PRTG: variants seen among roughly 807,000 people sequenced by gnomAD.
PRTG encodes immunoglobulin superfamily, DCC subclass, member 5.
PRTG carries 67 observed loss-of-function variants against 122.5 expected under a neutral mutation model. That is an observed-to-expected ratio of 0.55 (90% CI 0.45 to 0.67). The LOEUF (loss-of-function observed/expected upper bound fraction) is 0.67. PRTG is among the 30% of genes least tolerant of loss of function. The pLI, the probability that PRTG is intolerant of heterozygous loss-of-function variation, is 0.00. For missense variants in PRTG, 1,435 were observed against 1,415.4 expected (o/e 1.01, Z -0.22); for synonymous variants, 554 against 501.1 (o/e 1.11, Z -1.41).
At chr15:55,741,924 A>G (rs1010469862) in intron 1 of PRTG, among the ~76,000 whole-genome samples, 34 of 152,274 alleles carry the variant, frequency 2.2e-4, no homozygotes, top group African/African-American at 7.5e-4. Context: ...GAAAAAGCCT[A>G]GCGTCTGTAA....
At chr15:55,644,391 T>A (rs72748431) in intron 11 of PRTG, among the ~76,000 whole-genome samples, 3,141 of 152,292 alleles carry the variant, frequency 0.021, 54 homozygotes, top group Middle Eastern at 0.054. Flanking sequence ...TGCAAACAAC[T>A]TCAATCAATA....
At chr15:55,620,632 G>T in intron 19 of PRTG, 31 bp downstream of exon 19, 1 of 1,558,852 alleles carries the variant, frequency 6.4e-7, no homozygotes, top group African/African-American at 1.4e-5. Flanking sequence ...ATCACGCATT[G>T]CCAAAAATTT....
intron 2 of PRTG, among the ~76,000 whole-genome samples, chr15:55,687,831 T>C (rs1222717959): frequency 6.6e-6 from 1 of 152,232 alleles, no homozygotes; most frequent in East Asian, 1.9e-4. Context: ...CCAAGCCAGA[T>C]ACTGCTTAGG....
chr15:55,714,187 C>T (rs1295497501), intron 2 of PRTG, among the ~76,000 whole-genome samples: 2 of 145,598 alleles, frequency 1.4e-5, no homozygotes, highest in Non-Finnish European at 3.0e-5. Context: ...CTTTTATTTT[C>T]TTTCTATCTA....
intron 11 of PRTG, among the ~76,000 whole-genome samples, chr15:55,648,749 G>A (rs1351217381): frequency 6.6e-6 from 1 of 152,168 alleles, no homozygotes; most frequent in Non-Finnish European, 1.5e-5. Flanking sequence ...GTAAAAAGAA[G>A]GGCTATCTTG....
Position 55,637,169 on chromosome 15 carries a change from C to T in PRTG, c.2623+1G>A. 6.5e-7 allele frequency: 1 copy of T among 1,545,130 alleles called. No individual in the cohort carries two copies. ...CCTTCATGGCAATTTATGATATTTACCTTCACGGTGTAAGACCTGCCACTC... is the reference window on the plus strand; with the variant it reads ...CCTTCATGGCAATTTATGATATTTATCTTCACGGTGTAAGACCTGCCACTC... On this transcript the variant is annotated splice_donor_variant, in intron 15 of 19. Coordinates refer to ENST00000389286, the MANE Select transcript of PRTG (RefSeq NM_173814.6). LOFTEE classifies it high-confidence loss of function.
At chr15:55,679,863 A>C in intron 6 of PRTG, 191 bp downstream of exon 6, 1 of 559,702 alleles carries the variant, frequency 1.8e-6, no homozygotes. Flanking sequence ...ATGTAAACAG[A>C]ATGGTGACCT....
rs1299163931 is a variant in PRTG, at chr15:55,615,417, A to C, written c.*4595T>G. On this transcript the variant is annotated 3_prime_UTR_variant, in exon 20 of 20. Transcript: ENST00000389286. ...CACCATCAACGGCTTAAAAAGGGAA[A>C]TTGAGAAGATTAAAGCCTGAAACAT... 1 of 152,156 alleles carries C rather than the reference A, an allele frequency of 6.6e-6. No individual in the cohort carries two copies. Among genetic ancestry groups the C allele is most frequent in the Non-Finnish European group, 1.5e-5 (1 of 67,992 alleles). 9.4% of individuals were successfully genotyped at this position (152,156 alleles called of 1,614,324 possible).
chr15:55,695,619 A>C (rs1431854124), intron 2 of PRTG, among the ~76,000 whole-genome samples: 1 of 152,216 alleles, frequency 6.6e-6, no homozygotes, highest in Non-Finnish European at 1.5e-5. Flanking sequence ...CAGAGGCCTC[A>C]GTGCTGTTTC....
chr15:55,676,340 A>T (rs896037854), intron 8 of PRTG, among the ~76,000 whole-genome samples: 1 of 152,188 alleles, frequency 6.6e-6, no homozygotes, highest in Non-Finnish European at 1.5e-5. Flanking sequence ...GGTATAGAAG[A>T]GGATTTGTCT....
chr15:55,701,835 AG>A (rs1238351546), intron 2 of PRTG, among the ~76,000 whole-genome samples: 1 of 152,226 alleles, frequency 6.6e-6, no homozygotes, highest in Non-Finnish European at 1.5e-5. Flanking sequence ...GCTGAGTAAA[AG>A]AAGCAAGACA....
intron 4 of PRTG, chr15:55,681,295 TC>T (rs1355909975): frequency 1.3e-5 from 2 of 152,074 alleles, no homozygotes; most frequent in Non-Finnish European, 2.9e-5. Context: ...TTAATGTTTT[TC>T]TAAATTTCTT....
At position 55,624,550 on chromosome 15, in the gene PRTG, A is replaced by C. The variant is rs140794047; in HGVS notation, c.2928-43T>G. The C allele has an allele frequency of 9.7e-4, 1,523 of 1,563,016 alleles. 2 individuals carry two copies. The highest frequency in any genetic ancestry group is 1.1e-3 in the Non-Finnish European group (1,255 of 1,150,194). ...AGAGGAAGTCTTCTAATTTCATAGA[A>C]GATGCAGGCAAATGAACCACCTGGC... On this transcript the variant is annotated intron_variant, in intron 17 of 19. Coordinates refer to ENST00000389286, the MANE Select transcript of PRTG (RefSeq NM_173814.6).
chr15:55,726,442 G>T (rs550376596), intron 2 of PRTG, among the ~76,000 whole-genome samples: 7 of 152,068 alleles, frequency 4.6e-5, no homozygotes, highest in African/African-American at 1.7e-4. Context: ...CATGCAAATG[G>T]TAAGTAACCA....
chr15:55,616,516 G>A lies in PRTG; in HGVS notation c.*3496C>T, dbSNP rs1277610106. 1 of 152,124 alleles carries A rather than the reference G, an allele frequency of 6.6e-6. No homozygotes were observed. Among genetic ancestry groups the A allele is most frequent in the Non-Finnish European group, 1.5e-5 (1 of 67,986 alleles). 9.4% of individuals were successfully genotyped at this position (152,124 alleles called of 1,614,324 possible). On this transcript the variant is annotated 3_prime_UTR_variant, in exon 20 of 20. Coordinates refer to ENST00000389286, the MANE Select transcript of PRTG (RefSeq NM_173814.6). ...TCTGTTGACATTTCACACTCAAGGT[G>A]CTTTGGAAAGTATCACATCATTTGG...
chr15:55,651,776 G>T (rs2059354327), intron 11 of PRTG, among the ~76,000 whole-genome samples: 1 of 152,182 alleles, frequency 6.6e-6, no homozygotes, highest in African/African-American at 2.4e-5. Flanking sequence ...GAGCAAGCAG[G>T]TCGGGGTTAG....
intron 2 of PRTG, among the ~76,000 whole-genome samples, chr15:55,691,889 T>C (rs1165505487): frequency 6.6e-6 from 1 of 151,870 alleles, no homozygotes; most frequent in Non-Finnish European, 1.5e-5. Flanking sequence ...TTTTAAAAAT[T>C]AGCCCAGTGT....
At chr15:55,646,861 C>CA (rs2059327218) in intron 11 of PRTG, among the ~76,000 whole-genome samples, 5 of 152,070 alleles carry the variant, frequency 3.3e-5, no homozygotes, top group African/African-American at 1.2e-4. Flanking sequence ...CCCTTTGGCC[C>CA]AAAAATGAAC....
chr15:55,736,867 T>G (rs1470516505), intron 2 of PRTG, among the ~76,000 whole-genome samples: 1 of 152,186 alleles, frequency 6.6e-6, no homozygotes, highest in Non-Finnish European at 1.5e-5. Flanking sequence ...ACAACTAGCT[T>G]CCTGTTCAAT....
Sources: allele counts gnomAD v4.1 joint callset (sites outside exome capture counted in the v4.1 genomes callset), GRCh38; gene constraint gnomAD v4.1.1; transcripts MANE v1.5; gene names NCBI Gene and HGNC (gene_info 2026-07-23, HGNC 2026-07-21).